PDE4D: variants seen among roughly 807,000 people sequenced by gnomAD.
PDE4D encodes the protein phosphodiesterase 4D.
Under a neutral mutation model 87.4 loss-of-function variants are expected in PDE4D, and 24 were observed. That is an observed-to-expected ratio of 0.27 (90% CI 0.20 to 0.39). PDE4D has a LOEUF of 0.39. PDE4D is among the 10% of genes least tolerant of loss of function. The pLI, the probability that PDE4D is intolerant of heterozygous loss-of-function variation, is 1.00. For missense variants in PDE4D, 714 were observed against 1,041.0 expected, an observed-to-expected ratio of 0.69 and a Z score of 4.32; for synonymous variants, 384 against 383.2, an observed-to-expected ratio of 1.00 and a Z score of -0.02.
At chr5:60,342,868 T>C (rs1192410792) in intron 1 of PDE4D, among the ~76,000 whole-genome samples, 2 of 152,158 alleles carry the variant, frequency 1.3e-5, no homozygotes, top group African/African-American at 4.8e-5. Context: ...TCGTGACTTA[T>C]CTGGATGGAA....
intron 5 of PDE4D, among the ~76,000 whole-genome samples, chr5:59,109,672 G>C (rs1772276040): frequency 1.3e-5 from 2 of 152,134 alleles, no homozygotes; most frequent in Admixed American, 1.3e-4. Context: ...ACAATTTTTG[G>C]CTTGTGGGAT....
Position 59,335,607 on chromosome 5 carries a change from C to CT in PDE4D, c.456-119640dup, listed in dbSNP as rs549864421. ...AAAAGAAGTAAAAGAATGATGAAGACTTTTTTTTTAAGATTCTGCAGTACC... is the reference window on the plus strand; with the variant it reads ...AAAAGAAGTAAAAGAATGATGAAGACTTTTTTTTTTAAGATTCTGCAGTACC... On this transcript the variant is annotated intron_variant, in intron 1 of 14. Transcript: ENST00000340635. Among the ~76,000 whole-genome samples, 94 of 151,644 alleles carry CT rather than the reference C, an allele frequency of 6.2e-4. 2 individuals are homozygous for CT. The South Asian group carries it at 7.1e-3, about 11-fold the overall frequency.
At chr5:59,629,798 A>C (rs1237995760) in intron 1 of PDE4D, among the ~76,000 whole-genome samples, 2 of 152,228 alleles carry the variant, frequency 1.3e-5, no homozygotes, top group Non-Finnish European at 2.9e-5. Context: ...TTATCAGATG[A>C]GAATTTCAAG....
chr5:59,584,334 A>T (rs2153701117), intron 1 of PDE4D, among the ~76,000 whole-genome samples: 1 of 152,340 alleles, frequency 6.6e-6, no homozygotes, highest in East Asian at 1.9e-4. Flanking sequence ...GTCCAACATC[A>T]TATTAATGAA....
At chr5:59,194,879 GC>G (rs1422828382) in intron 2 of PDE4D, among the ~76,000 whole-genome samples, 3 of 152,198 alleles carry the variant, frequency 2.0e-5, no homozygotes, top group Admixed American at 6.5e-5. Context: ...AATTGCCATT[GC>G]AACAGTATTA....
intron 1 of PDE4D, among the ~76,000 whole-genome samples, chr5:59,829,676 C>CTA (rs1426162638): frequency 6.6e-6 from 1 of 152,010 alleles, no homozygotes; most frequent in Admixed American, 6.6e-5. Context: ...TTGTCAGTGC[C>CTA]TATGTTAAGG....
At chr5:60,105,300 G>C (rs953769934) in intron 2 of PDE4D, among the ~76,000 whole-genome samples, 12 of 152,104 alleles carry the variant, frequency 7.9e-5, no homozygotes, top group Admixed American at 5.9e-4. Flanking sequence ...AGCGAGAAGG[G>C]AAGTTTAGAG....
At chr5:59,645,953 C>T (rs1392559052) in intron 1 of PDE4D, among the ~76,000 whole-genome samples, 1 of 151,966 alleles carries the variant, frequency 6.6e-6, no homozygotes, top group Non-Finnish European at 1.5e-5. Flanking sequence ...TTGTTATTCT[C>T]AACATAGAAA....
At chr5:59,215,723 C>T (rs1200607432) in intron 2 of PDE4D, 54 bp downstream of exon 2, 1 of 1,441,956 alleles carries the variant, frequency 6.9e-7, no homozygotes, top group Non-Finnish European at 9.8e-7. Flanking sequence ...ATGTCATCAG[C>T]TCTAGATATA....
chr5:59,705,932 G>T (rs1361745293), intron 1 of PDE4D, among the ~76,000 whole-genome samples: 1 of 152,110 alleles, frequency 6.6e-6, no homozygotes, highest in Admixed American at 6.6e-5. Flanking sequence ...AATCCTAGCT[G>T]CAGGAAGTTG....
intron 1 of PDE4D, among the ~76,000 whole-genome samples, chr5:59,691,229 C>G (rs551926651): frequency 1.4e-4 from 21 of 152,116 alleles, no homozygotes; most frequent in African/African-American, 5.1e-4. Context: ...GGGTATATAC[C>G]CAAAGGATTA....
chr5:59,337,076 CT>C (rs1028796808), intron 1 of PDE4D, among the ~76,000 whole-genome samples: 2 of 152,040 alleles, frequency 1.3e-5, no homozygotes, highest in Non-Finnish European at 2.9e-5. Flanking sequence ...AAGGTTTTGG[CT>C]TTGATGAGGA....
At chr5:59,599,959 C>G (rs1021062115) in intron 1 of PDE4D, among the ~76,000 whole-genome samples, 1 of 152,196 alleles carries the variant, frequency 6.6e-6, no homozygotes, top group African/African-American at 2.4e-5. Context: ...AAAGCTGCCT[C>G]TTTGTCTCAT....
intron 1 of PDE4D, among the ~76,000 whole-genome samples, chr5:59,496,099 TG>T: frequency 6.6e-6 from 1 of 152,206 alleles, no homozygotes; most frequent in East Asian, 1.9e-4. Flanking sequence ...TATCAGCAGA[TG>T]GGGGAGCCAG....
intron 1 of PDE4D, among the ~76,000 whole-genome samples, chr5:60,480,391 G>A (rs957284702): frequency 6.6e-6 from 1 of 151,892 alleles, no homozygotes; most frequent in African/African-American, 2.4e-5. Context: ...AAAATGTAAA[G>A]CATTTTACGT....
chr5:59,780,043 C>T (rs1319935554), intron 1 of PDE4D, among the ~76,000 whole-genome samples: 1 of 152,168 alleles, frequency 6.6e-6, no homozygotes, highest in African/African-American at 2.4e-5. Flanking sequence ...AGAATACCTT[C>T]TATTTCTTAG....
intron 2 of PDE4D, among the ~76,000 whole-genome samples, chr5:60,037,969 C>T (rs1767992022): frequency 1.3e-5 from 2 of 151,980 alleles, no homozygotes; most frequent in African/African-American, 4.8e-5. Flanking sequence ...CTTCATTTTG[C>T]AGATTTTGGA....
In PDE4D at chr5:60,432,437, C is replaced by T. The variant is rs146147634; in HGVS notation, c.-90+55505G>A. Among the ~76,000 whole-genome samples the T allele has an allele frequency of 8.3e-3, 1,257 of 152,224 alleles. 18 individuals are homozygous for T. Among genetic ancestry groups the T allele is most frequent in the African/African-American group, 0.029 (1,199 of 41,536 alleles). On this transcript the variant is annotated intron_variant, in intron 1 of 16. Coordinates refer to the PDE4D transcript ENST00000502484. Reference sequence around the variant, plus strand: ...ATTACTGATTCAATTTTGGAACTTGCTATTGGTCTGATCAGGGTTTAAATT... The same window carrying T: ...ATTACTGATTCAATTTTGGAACTTGTTATTGGTCTGATCAGGGTTTAAATT...
intron 1 of PDE4D, chr5:59,768,315 C>G (rs769179170): frequency 6.3e-7 from 1 of 1,598,268 alleles, no homozygotes; most frequent in Non-Finnish European, 8.5e-7. Flanking sequence ...TGCGCAGAAG[C>G]CTGGGGGAAT....
Sources: gnomAD v4.1 joint callset for allele counts (sites outside exome capture counted in the v4.1 genomes callset) on GRCh38, gnomAD v4.1.1 for gene constraint, MANE v1.5 for transcripts, NCBI Gene and HGNC (gene_info 2026-07-23, HGNC 2026-07-21) for gene names.